Variants in RABGAP1L observed in about 807,000 individuals in gnomAD.
The protein encoded by RABGAP1L is rab GTPase-activating protein 1-like.
In RABGAP1L, 63 loss-of-function variants were observed where a neutral mutation model predicts 137.7. The ratio of observed to expected loss-of-function variants is 0.46; its 90% confidence interval spans 0.37 to 0.56. RABGAP1L has a LOEUF of 0.56. Ranked by LOEUF, RABGAP1L falls within the 20% of genes least tolerant of loss-of-function variation. RABGAP1L has a pLI of 0.00. For missense variants in RABGAP1L, 1,095 were observed against 1,244.0 expected (o/e 0.88, Z 1.80); for synonymous variants, 431 against 433.7 (o/e 0.99, Z 0.08).
chr1:174,705,260 T>C (rs1679963520), intron 17 of RABGAP1L: 1 of 152,128 alleles, frequency 6.6e-6, no homozygotes, highest in Admixed American at 6.5e-5. Flanking sequence ...TCTGCCCGAA[T>C]GTTGGCACCC....
intron 1 of RABGAP1L, among the ~76,000 whole-genome samples, chr1:174,162,528 A>G (rs566481403): frequency 5.3e-5 from 8 of 152,052 alleles, no homozygotes; most frequent in Admixed American, 1.3e-4. Context: ...CTGCATTCCA[A>G]CCTACCATTG....
intron 17 of RABGAP1L, among the ~76,000 whole-genome samples, chr1:174,746,600 T>C (rs1361018985): frequency 6.6e-6 from 1 of 152,230 alleles, no homozygotes; most frequent in Middle Eastern, 3.2e-3. Context: ...ACTTTAATCC[T>C]TTAGGAAGTA....
intron 1 of RABGAP1L, among the ~76,000 whole-genome samples, chr1:174,205,025 T>G (rs1668409631): frequency 1.3e-5 from 2 of 152,364 alleles, no homozygotes; most frequent in South Asian, 4.1e-4. Context: ...GAGAATGGAC[T>G]AATAAAGGCC....
At chr1:174,927,534 T>C (rs1663050579) in intron 19 of RABGAP1L, among the ~76,000 whole-genome samples, 1 of 152,138 alleles carries the variant, frequency 6.6e-6, no homozygotes, top group South Asian at 2.1e-4. Context: ...CAAGCCATAT[T>C]TCCTCTCTTT....
At chr1:174,352,522 G>A (rs553114275) in intron 11 of RABGAP1L, among the ~76,000 whole-genome samples, 3 of 152,140 alleles carry the variant, frequency 2.0e-5, no homozygotes, top group East Asian at 1.9e-4. Context: ...CAGCTATTTC[G>A]AATTCTCTAT....
chr1:174,322,635 A>G (rs555822262), intron 11 of RABGAP1L, among the ~76,000 whole-genome samples: 1 of 152,314 alleles, frequency 6.6e-6, no homozygotes, highest in South Asian at 2.1e-4. Context: ...CCTTAGAGTC[A>G]TACAGTATTA....
At chr1:174,954,470 T>C (rs771574147) in intron 19 of RABGAP1L, among the ~76,000 whole-genome samples, 1 of 152,216 alleles carries the variant, frequency 6.6e-6, no homozygotes, top group Non-Finnish European at 1.5e-5. Context: ...CAAAAGTGAC[T>C]TTTAAAAGGA....
intron 11 of RABGAP1L, among the ~76,000 whole-genome samples, chr1:174,350,418 T>C (rs1287992317): frequency 1.1e-4 from 7 of 63,158 alleles, no homozygotes; most frequent in African/African-American, 4.2e-4. Context: ...AGACGGGGTC[T>C]CGGCCGGGCA....
At chr1:174,834,538 G>C (rs1017271699) in intron 19 of RABGAP1L, among the ~76,000 whole-genome samples, 1 of 151,450 alleles carries the variant, frequency 6.6e-6, no homozygotes, top group East Asian at 1.9e-4. Flanking sequence ...GGAGACAAAA[G>C]GCAAAGCCAG....
chr1:174,847,627 GT>G (rs923133284), intron 19 of RABGAP1L, among the ~76,000 whole-genome samples: 5 of 133,122 alleles, frequency 3.8e-5, no homozygotes, highest in African/African-American at 1.4e-4. Flanking sequence ...CCCTTTGAGG[GT>G]AACCCGACCT....
chr1:174,455,101 G>A (rs1030378627), intron 13 of RABGAP1L, among the ~76,000 whole-genome samples: 18 of 152,112 alleles, frequency 1.2e-4, no homozygotes, highest in African/African-American at 4.3e-4. Context: ...AGTCTGTTAT[G>A]TCTGATAAAT....
intron 13 of RABGAP1L, among the ~76,000 whole-genome samples, chr1:174,632,236 GC>G (rs1385399840): frequency 1.4e-5 from 2 of 142,714 alleles, no homozygotes; most frequent in Admixed American, 7.0e-5. Context: ...CTCTCTTCTG[GC>G]TTGTAGGGTT....
At chr1:174,695,573 G>A (rs984884137) in intron 15 of RABGAP1L, among the ~76,000 whole-genome samples, 3 of 152,050 alleles carry the variant, frequency 2.0e-5, no homozygotes, top group Non-Finnish European at 1.5e-5. Flanking sequence ...TCTCTTAAAT[G>A]TCACATATCT....
chr1:174,922,563 A>G (rs1031277967), intron 19 of RABGAP1L: 20 of 152,232 alleles, frequency 1.3e-4, no homozygotes, highest in African/African-American at 4.8e-4. Context: ...GCTTAAGAAC[A>G]TAACCTATCA....
chr1:174,588,882 G>C (rs907321957), intron 13 of RABGAP1L, among the ~76,000 whole-genome samples: 2 of 152,018 alleles, frequency 1.3e-5, no homozygotes, highest in Non-Finnish European at 2.9e-5. Context: ...CCAAATCTTG[G>C]CTATTGCAAA....
chr1:174,160,638 A>G lies in RABGAP1L; in HGVS notation c.-34+981A>G, dbSNP rs190492151. On this transcript the variant is annotated intron_variant, in intron 1 of 25. Coordinates refer to ENST00000681986, the MANE Select transcript of RABGAP1L (RefSeq NM_001366446.1). ...CCTGACAGATTTCAGCGCAGTTTGGAAAATGATTTTAAGGCCTTTATTTTT... is the reference window on the plus strand; with the variant it reads ...CCTGACAGATTTCAGCGCAGTTTGGGAAATGATTTTAAGGCCTTTATTTTT... 5.3e-3 allele frequency among the ~76,000 whole-genome samples: 814 copies of G among 152,328 alleles called. 5 individuals carry two copies. Among genetic ancestry groups the G allele is most frequent in the Non-Finnish European group, 9.3e-3 (631 of 68,028 alleles).
At chr1:174,437,643 C>T (rs1406138770) in intron 13 of RABGAP1L, among the ~76,000 whole-genome samples, 1 of 151,980 alleles carries the variant, frequency 6.6e-6, no homozygotes, top group Non-Finnish European at 1.5e-5. Flanking sequence ...GGAAAACACT[C>T]TGCAGGATAT....
intron 18 of RABGAP1L, among the ~76,000 whole-genome samples, chr1:174,804,247 T>A (rs1689032260): frequency 1.2e-5 from 1 of 83,434 alleles, no homozygotes; most frequent in African/African-American, 2.7e-5. Flanking sequence ...TGCGGATGTT[T>A]TTTTTTTGTT....
chr1:174,754,518 G>C (rs546385926), intron 18 of RABGAP1L, among the ~76,000 whole-genome samples: 44 of 151,798 alleles, frequency 2.9e-4, no homozygotes, highest in Non-Finnish European at 5.6e-4. Context: ...TTTGAGACAG[G>C]GTCTTATTCT....
Sources: gnomAD v4.1 joint callset for allele counts (sites outside exome capture counted in the v4.1 genomes callset) on GRCh38, gnomAD v4.1.1 for gene constraint, MANE v1.5 for transcripts, NCBI Gene and HGNC (gene_info 2026-07-23, HGNC 2026-07-21) for gene names.